The following SLC24A4 variants were observed in gnomAD, a reference collection of about 807,000 sequenced individuals.
The protein encoded by SLC24A4 is sodium/potassium/calcium exchanger 4.
Under a neutral mutation model 79.0 loss-of-function variants are expected in SLC24A4, and 53 were observed. That is an observed-to-expected ratio of 0.67 (90% confidence interval 0.54 to 0.84). The LOEUF (loss-of-function observed/expected upper bound fraction) is 0.84, where lower values mean the gene tolerates loss of function less well. Among genes scored for constraint, SLC24A4 ranks in the 40% least tolerant of loss-of-function variants. The probability of loss-of-function intolerance (pLI) is 0.00; values close to 1 mark genes in which losing one functional copy is unlikely to be tolerated. For synonymous variants in SLC24A4, 323 were observed against 323.8 expected (o/e 1.00, Z 0.03); for missense variants, 731 against 822.0 (o/e 0.89, Z 1.35).
chr14:92,427,655 C>A lies in SLC24A4; in HGVS notation c.242-6257C>A, dbSNP rs200840800. Among the ~76,000 whole-genome samples the A allele has an allele frequency of 2.5e-3, 322 of 129,194 alleles. 8 individuals are homozygous for A. In the East Asian group the frequency reaches 0.047, roughly 19 times the overall value. The allele number at this position is 129,194 out of a possible 152,430, so 84.8% of individuals were successfully genotyped here. A position where few individuals can be genotyped will look rare whatever the true frequency, so the allele number is the denominator to read the frequency against. Reference sequence around the variant, plus strand: ...TTGGCTGAAAAGGAGGTGGGTGTATCAGTGAGTGTTCCCTGCAGGAAATAG... The same window carrying A: ...TTGGCTGAAAAGGAGGTGGGTGTATAAGTGAGTGTTCCCTGCAGGAAATAG... On this transcript the variant is annotated intron_variant, in intron 2 of 16. Transcript: ENST00000532405.
intron 2 of SLC24A4, among the ~76,000 whole-genome samples, chr14:92,375,479 G>A (rs1045801207): frequency 1.5e-4 from 23 of 152,292 alleles, no homozygotes; most frequent in African/African-American, 5.5e-4. Context: ...TTGAAAACAG[G>A]TGCTTAAACA....
At chr14:92,466,359 T>C (rs903981130) in intron 12 of SLC24A4, among the ~76,000 whole-genome samples, 2 of 152,200 alleles carry the variant, frequency 1.3e-5, no homozygotes, top group African/African-American at 4.8e-5. Flanking sequence ...GGGGTGGAGA[T>C]TCTTGTTATC....
At chr14:92,415,847 G>A (rs1890953920) in intron 2 of SLC24A4, among the ~76,000 whole-genome samples, 1 of 152,092 alleles carries the variant, frequency 6.6e-6, no homozygotes, top group Middle Eastern at 3.4e-3. Context: ...GTGGTGATTT[G>A]TGAGGTTTGG....
At chr14:92,489,754 C>T (rs979796174) in intron 14 of SLC24A4, among the ~76,000 whole-genome samples, 3 of 152,126 alleles carry the variant, frequency 2.0e-5, no homozygotes, top group Non-Finnish European at 2.9e-5. Context: ...ACACAGCTGC[C>T]GGCAGCCCCG....
At chr14:92,392,775 T>G (rs755758005) in intron 2 of SLC24A4, among the ~76,000 whole-genome samples, 1 of 152,186 alleles carries the variant, frequency 6.6e-6, no homozygotes, top group Non-Finnish European at 1.5e-5. Context: ...GGAAGCCCGT[T>G]TGCCTCTTCC....
chr14:92,377,964 G>C (rs1464743285), intron 2 of SLC24A4, among the ~76,000 whole-genome samples: 1 of 151,966 alleles, frequency 6.6e-6, no homozygotes, highest in Non-Finnish European at 1.5e-5. Context: ...ATGAAGGTCT[G>C]GGGGTGGGAG....
intron 2 of SLC24A4, among the ~76,000 whole-genome samples, chr14:92,409,677 C>G (rs1433609570): frequency 6.6e-6 from 1 of 152,168 alleles, no homozygotes; most frequent in Non-Finnish European, 1.5e-5. Flanking sequence ...CTGGTGACAA[C>G]ACAGACTAGT....
intron 3 of SLC24A4, among the ~76,000 whole-genome samples, chr14:92,439,078 CA>C (rs1224287433): frequency 6.6e-6 from 1 of 152,226 alleles, no homozygotes; most frequent in Non-Finnish European, 1.5e-5. Flanking sequence ...TATTAGATCA[CA>C]AGAGGAATGA....
chr14:92,409,030 C>T (rs1301519130), intron 2 of SLC24A4, among the ~76,000 whole-genome samples: 1 of 152,108 alleles, frequency 6.6e-6, no homozygotes, highest in East Asian at 1.9e-4. Context: ...AGGGAGGGAG[C>T]CATATATGTT....
In SLC24A4 at chr14:92,441,391, C is replaced by T. The variant is rs539397627; in HGVS notation, c.394-698C>T. 1.9e-4 allele frequency among the ~76,000 whole-genome samples: 29 copies of T among 152,320 alleles called. No homozygotes were observed. The East Asian group carries it at 1.9e-3, about 10-fold the overall frequency. ...AGAACAGGCCCCAACCATGAGTTCC[C>T]GTCCTGTCCCGTGCCAGCTTAACCC... is the stretch of plus-strand genomic sequence containing the variant. On this transcript the variant is annotated intron_variant, in intron 4 of 16. Coordinates refer to ENST00000532405, the MANE Select transcript of SLC24A4 (RefSeq NM_153646.4). This position sits in a 1 kb window ranked among gnomAD's most constrained non-coding sequence, Gnocchi z 4.6.
intron 13 of SLC24A4, chr14:92,484,873 C>T (rs1201704813): frequency 2.0e-5 from 20 of 985,298 alleles, no homozygotes; most frequent in Non-Finnish European, 2.3e-5. Flanking sequence ...TGATCATGAG[C>T]GTTGCTGAAT....
intron 14 of SLC24A4, 99 bp from the exon 15 acceptor site, chr14:92,491,566 T>A: frequency 1.2e-6 from 1 of 823,858 alleles, no homozygotes; most frequent in East Asian, 2.4e-5. Flanking sequence ...CAGAAGGAAT[T>A]GCTTTCCAAG....
intron 16 of SLC24A4, 78 bp from the exon 17 acceptor site, chr14:92,493,398 T>G (rs1046726955): frequency 1.3e-6 from 2 of 1,540,934 alleles, no homozygotes; most frequent in East Asian, 2.3e-5. Context: ...TTTCCCCACA[T>G]AGGTGTCGCT....
chr14:92,455,422 C>G (rs1893399330), intron 11 of SLC24A4, among the ~76,000 whole-genome samples: 1 of 152,194 alleles, frequency 6.6e-6, no homozygotes, highest in Non-Finnish European at 1.5e-5. Context: ...ACTACACAGC[C>G]ATGAAAAATA....
In SLC24A4 at chr14:92,442,940, A is replaced by G. The variant is rs937369180; in HGVS notation, c.582+124A>G. 1.2e-5 allele frequency: 9 copies of G among 774,810 alleles called. No individual in the cohort carries two copies. In the African/African-American group the frequency reaches 1.6e-4, roughly 13 times the overall value. The allele number at this position is 774,810 out of a possible 1,614,324, so 48.0% of individuals were successfully genotyped here. A position where few individuals can be genotyped will look rare whatever the true frequency, so the allele number is the denominator to read the frequency against. ...AGGACAGCTGAGCTGGATTCTGGAT[A>G]CATTTGGGGCCTGGTTTTGGCCTCT... On this transcript the variant is annotated intron_variant, in intron 6 of 16. Transcript: ENST00000532405.
At chr14:92,412,134 T>C (rs1171714706) in intron 2 of SLC24A4, among the ~76,000 whole-genome samples, 1 of 152,134 alleles carries the variant, frequency 6.6e-6, no homozygotes, top group Non-Finnish European at 1.5e-5. Flanking sequence ...TTTACCACTT[T>C]GGGGTTTGGC....
intron 12 of SLC24A4, among the ~76,000 whole-genome samples, chr14:92,473,030 C>T (rs143750697): frequency 1.3e-5 from 2 of 152,350 alleles, no homozygotes; most frequent in African/African-American, 2.4e-5. Flanking sequence ...ACTGGTGCTT[C>T]CTCATGTGGC....
rs140956658 is a variant in SLC24A4, at chr14:92,345,302, A to G, written c.241+19324A>G. ...TTGCTGCTTACTGGCAGCAACCTGG[A>G]GCAAGTTACTTATGAACCCTTCTGC... On this transcript the variant is annotated intron_variant, in intron 2 of 16. Coordinates refer to ENST00000532405, the MANE Select transcript of SLC24A4 (RefSeq NM_153646.4). Among the ~76,000 whole-genome samples, 563 of 152,304 alleles carry G rather than the reference A, an allele frequency of 3.7e-3. 8 individuals are homozygous for G. Among genetic ancestry groups the G allele is most frequent in the African/African-American group, 0.013 (525 of 41,560 alleles).
At position 92,323,922 on chromosome 14, in the gene SLC24A4, C is replaced by T; in HGVS notation, c.92C>T (p.Ala31Val). The stretch of plus-strand genomic sequence containing the variant: ...GTCGGCTTCGTGTGCGCGGTGCTGG[C>T]CCTGGTGTGCTGTGCGTCCGGCCTC... ...QQVGFVCAVL[A>V]LVCCASGLFG... Residue 31 changes from alanine to valine, a missense_variant, in exon 1 of 17, where the codon GCC (alanine) becomes GTC (valine). Physicochemically the swap from Ala to Val is moderately conservative, Grantham distance 64 (BLOSUM62 0). Coordinates refer to ENST00000532405, the MANE Select transcript of SLC24A4 (RefSeq NM_153646.4). The surrounding 1 kb of genome is among the most constrained non-coding windows in gnomAD (Gnocchi z 4.9). 3 of 1,611,152 alleles carry T rather than the reference C, an allele frequency of 1.9e-6. No homozygotes were observed. Among genetic ancestry groups the T allele is most frequent in the Non-Finnish European group, 2.5e-6 (3 of 1,179,772 alleles).
Sources: gnomAD v4.1 joint callset for allele counts (sites outside exome capture counted in the v4.1 genomes callset) on GRCh38, gnomAD v4.1.1 for gene constraint, Gnocchi (gnomAD v3.1) non-coding constraint, MANE v1.5 for transcripts, NCBI Gene and HGNC (gene_info 2026-07-23, HGNC 2026-07-21) for gene names.